The following GRID1 variants were observed in gnomAD, a reference collection of about 807,000 sequenced individuals.
GRID1 encodes the protein glutamate receptor ionotropic, delta-1.
A neutral mutation model predicts 98.0 loss-of-function variants in GRID1; 28 were observed. That is an observed-to-expected ratio of 0.29 (90% CI 0.21 to 0.39). The LOEUF (loss-of-function observed/expected upper bound fraction) is 0.39, where lower values mean the gene tolerates loss of function less well. Ranked by LOEUF, GRID1 falls within the 10% of genes least tolerant of loss-of-function variation. The pLI is 1.00. For missense variants in GRID1, 1,111 were observed against 1,340.5 expected, an observed-to-expected ratio of 0.83 and a Z score of 2.67; for synonymous variants, 553 against 538.5, an observed-to-expected ratio of 1.03 and a Z score of -0.37.
chr10:86,134,872 C>T (rs1388998756), intron 4 of GRID1, among the ~76,000 whole-genome samples: 1 of 152,194 alleles, frequency 6.6e-6, no homozygotes, highest in Non-Finnish European at 1.5e-5. Flanking sequence ...CAAGACTTGG[C>T]CACACCTCTG....
Position 85,868,995 on chromosome 10 carries a change from A to T in GRID1, c.951+15T>A. 6.2e-7 allele frequency: 1 copy of T among 1,610,506 alleles called. No individual in the cohort carries two copies. Among genetic ancestry groups the T allele is most frequent in the Non-Finnish European group, 8.5e-7 (1 of 1,177,706 alleles). ...CTTGGTGGAGGGGACTGGAGAGAAG[A>T]GGCTGAGCACTGACCTGCAGCATCT... On this transcript the variant is annotated intron_variant, in intron 6 of 15. Coordinates refer to ENST00000327946, the MANE Select transcript of GRID1 (RefSeq NM_017551.3).
intron 12 of GRID1, among the ~76,000 whole-genome samples, chr10:85,678,341 A>C (rs1841168939): frequency 6.6e-6 from 1 of 152,162 alleles, no homozygotes; most frequent in African/African-American, 2.4e-5. Flanking sequence ...GGCTGGACAT[A>C]ATTCCCTAAT....
At chr10:85,664,868 T>C (rs534526015) in intron 12 of GRID1, among the ~76,000 whole-genome samples, 61 of 152,080 alleles carry the variant, frequency 4.0e-4, no homozygotes, top group Middle Eastern at 3.2e-3. Context: ...GTATGTTAAC[T>C]GTTTTCTGCC....
chr10:85,690,805 T>C lies in GRID1; in HGVS notation c.1997+32198A>G, dbSNP rs184323784. Among the ~76,000 whole-genome samples, 360 of 152,238 alleles carry C rather than the reference T, an allele frequency of 2.4e-3. 3 individuals are homozygous for C. The highest frequency in any genetic ancestry group is 3.4e-3 in the Middle Eastern group (1 of 294). On this transcript the variant is annotated intron_variant, in intron 12 of 15. Coordinates refer to ENST00000327946, the MANE Select transcript of GRID1 (RefSeq NM_017551.3). ...AATAATTCAATGGTTTCTCAAAAAG[T>C]TAGATATAAAACCATCTCTGATACT...
intron 4 of GRID1, among the ~76,000 whole-genome samples, chr10:86,121,568 C>A (rs1844675545): frequency 7.3e-5 from 11 of 151,522 alleles, no homozygotes; most frequent in Admixed American, 7.2e-4. Flanking sequence ...TCATTATCAC[C>A]ATCAACATCA....
intron 4 of GRID1, among the ~76,000 whole-genome samples, chr10:85,956,151 T>A (rs540847208): frequency 6.6e-6 from 1 of 152,228 alleles, no homozygotes; most frequent in Non-Finnish European, 1.5e-5. Flanking sequence ...TATCTTGTTT[T>A]CCAAATATTT....
chr10:86,014,142 C>A (rs1169480357), intron 4 of GRID1, among the ~76,000 whole-genome samples: 1 of 152,206 alleles, frequency 6.6e-6, no homozygotes, highest in Non-Finnish European at 1.5e-5. Context: ...TGACACTCAG[C>A]TCCCACAAGT....
chr10:85,769,946 C>A (rs1026290347), intron 8 of GRID1, among the ~76,000 whole-genome samples: 2 of 152,178 alleles, frequency 1.3e-5, no homozygotes, highest in African/African-American at 2.4e-5. Flanking sequence ...CTTAAATGTC[C>A]CTGTCTGACA....
intron 12 of GRID1, among the ~76,000 whole-genome samples, chr10:85,691,618 T>C (rs1841333080): frequency 6.6e-6 from 1 of 152,214 alleles, no homozygotes; most frequent in Admixed American, 6.5e-5. Flanking sequence ...CCTGAAGAAT[T>C]AACTAACTAC....
At chr10:85,878,181 G>T (rs1212784679) in intron 5 of GRID1, among the ~76,000 whole-genome samples, 1 of 152,180 alleles carries the variant, frequency 6.6e-6, no homozygotes, top group Non-Finnish European at 1.5e-5. Flanking sequence ...ATGGAACCAA[G>T]TTGGAAAACA....
chr10:85,671,722 G>C (rs1048791404), intron 12 of GRID1, among the ~76,000 whole-genome samples: 6 of 152,206 alleles, frequency 3.9e-5, no homozygotes, highest in Admixed American at 6.5e-5. Context: ...TGAAAGCCAA[G>C]AGAGGCCTCT....
rs1848684911 is a variant in GRID1 at position 86,366,559 on chromosome 10, A to T, written c.-167T>A. ...CGCCCCTGCGCCCTGCGCCCGCCCCAGCCCAGCCCAGCCCAGCCCAGCGCG... is the reference window on the plus strand; with the variant it reads ...CGCCCCTGCGCCCTGCGCCCGCCCCTGCCCAGCCCAGCCCAGCCCAGCGCG... On this transcript the variant is annotated 5_prime_UTR_variant, in exon 1 of 16. Coordinates refer to ENST00000327946, the MANE Select transcript of GRID1 (RefSeq NM_017551.3). The surrounding 1 kb of genome is among the most constrained non-coding windows in gnomAD (Gnocchi z 4.1). 1 of 238,358 alleles carries T rather than the reference A, an allele frequency of 4.2e-6. No individual in the cohort carries two copies. Among genetic ancestry groups the T allele is most frequent in the Admixed American group, 5.8e-5 (1 of 17,320 alleles). The allele number at this position is 238,358 out of a possible 1,614,324, so 14.8% of individuals were successfully genotyped here. A position where few individuals can be genotyped will look rare whatever the true frequency, so the allele number is the denominator to read the frequency against.
intron 8 of GRID1, among the ~76,000 whole-genome samples, chr10:85,823,369 CAA>C (rs967941129): frequency 2.0e-5 from 3 of 150,730 alleles, no homozygotes; most frequent in Non-Finnish European, 3.0e-5. Context: ...TTTTAAATTA[CAA>C]AAAAGAGAAA....
intron 4 of GRID1, among the ~76,000 whole-genome samples, chr10:86,120,830 C>T (rs72835265): frequency 0.06 from 9,117 of 152,128 alleles, 396 homozygotes; most frequent in South Asian, 0.21. Context: ...GTGCCTTTGT[C>T]GTGGGGGGAG....
chr10:85,849,350 G>A (rs1171721229), intron 8 of GRID1, among the ~76,000 whole-genome samples: 2 of 152,204 alleles, frequency 1.3e-5, no homozygotes, highest in Non-Finnish European at 2.9e-5. Context: ...CATCAAGGGG[G>A]GCATTTGATT....
chr10:85,679,743 A>C (rs1440253574), intron 12 of GRID1, among the ~76,000 whole-genome samples: 1 of 152,226 alleles, frequency 6.6e-6, no homozygotes, highest in Non-Finnish European at 1.5e-5. Context: ...AGAAGAAGCA[A>C]CAAGAAGCTA....
chr10:86,073,208 A>T (rs1201726562), intron 4 of GRID1, among the ~76,000 whole-genome samples: 1 of 152,236 alleles, frequency 6.6e-6, no homozygotes, highest in East Asian at 1.9e-4. Context: ...CTCCAGAAAC[A>T]TCTAAACAGA....
chr10:85,904,342 C>G (rs1166331554), intron 5 of GRID1, among the ~76,000 whole-genome samples: 1 of 152,192 alleles, frequency 6.6e-6, no homozygotes, highest in Non-Finnish European at 1.5e-5. Flanking sequence ...TGAACTAAAT[C>G]TCTGCCTTTA....
intron 4 of GRID1, among the ~76,000 whole-genome samples, chr10:86,130,821 G>A (rs1844824531): frequency 6.6e-6 from 1 of 152,174 alleles, no homozygotes. Context: ...GGAGCTAAAA[G>A]AGCACTGTAA....
Sources: gnomAD v4.1 joint callset for allele counts (sites outside exome capture counted in the v4.1 genomes callset) on GRCh38, gnomAD v4.1.1 for gene constraint, Gnocchi (gnomAD v3.1) non-coding constraint, MANE v1.5 for transcripts, NCBI Gene and HGNC (gene_info 2026-07-23, HGNC 2026-07-21) for gene names.